The following SMG6 variants were observed in gnomAD, a reference collection of about 807,000 sequenced individuals.
SMG6 encodes telomerase-binding protein EST1A.
In SMG6, 66 loss-of-function variants were observed where a neutral mutation model predicts 142.2. The observed-to-expected ratio is 0.46, with a 90% CI of 0.38 to 0.57. The LOEUF is 0.57. Among genes scored for constraint, SMG6 ranks in the 20% least tolerant of loss-of-function variants. The pLI is 0.00. For missense variants in SMG6, 1,793 were observed against 1,832.0 expected, an observed-to-expected ratio of 0.98 and a Z score of 0.39; for synonymous variants, 779 against 702.4, an observed-to-expected ratio of 1.11 and a Z score of -1.72.
chr17:2,227,701 T>C (rs147962324), intron 10 of SMG6, among the ~76,000 whole-genome samples: 55 of 152,348 alleles, frequency 3.6e-4, no homozygotes, highest in Non-Finnish European at 6.0e-4. Context: ...CTGAAGTGCA[T>C]GCTTAAAATG....
At chr17:2,082,121 G>T (rs1318985695) in intron 14 of SMG6, 165 bp from the exon 15 acceptor site, 3 of 645,002 alleles carry the variant, frequency 4.7e-6, no homozygotes, top group African/African-American at 3.7e-5. Context: ...GCAAAGGGAG[G>T]TTGACAAAAG....
chr17:2,271,840 G>C (rs2074548429), intron 8 of SMG6, among the ~76,000 whole-genome samples: 2 of 152,122 alleles, frequency 1.3e-5, no homozygotes, highest in South Asian at 4.1e-4. Context: ...AGAGACACTA[G>C]CATGTTTGAG....
At chr17:2,230,640 T>C (rs2073462532) in intron 10 of SMG6, among the ~76,000 whole-genome samples, 1 of 152,130 alleles carries the variant, frequency 6.6e-6, no homozygotes, top group Admixed American at 6.5e-5. Context: ...TCCCTTGACA[T>C]ACTCACTTCT....
intron 12 of SMG6, among the ~76,000 whole-genome samples, chr17:2,177,224 T>G (rs900186073): frequency 3.9e-5 from 6 of 152,186 alleles, no homozygotes; most frequent in African/African-American, 1.4e-4. Flanking sequence ...CAGGAGAGGT[T>G]ACCCAACTGC....
intron 9 of SMG6, chr17:2,236,897 T>C (rs1454357972): frequency 2.7e-6 from 3 of 1,129,490 alleles, no homozygotes; most frequent in Non-Finnish European, 3.3e-6. Context: ...CTATGAGTTA[T>C]TATGCTTTGG....
intron 6 of SMG6, among the ~76,000 whole-genome samples, chr17:2,286,784 A>C (rs554626231): frequency 1.3e-5 from 2 of 152,202 alleles, no homozygotes; most frequent in African/African-American, 4.8e-5. Context: ...ACACTTGTGC[A>C]TCGAAAGATA....
chr17:2,152,446 G>A (rs2070855552), intron 13 of SMG6, among the ~76,000 whole-genome samples: 1 of 152,148 alleles, frequency 6.6e-6, no homozygotes, highest in Non-Finnish European at 1.5e-5. Context: ...TATCTGCAAT[G>A]CATTTGTACC....
chr17:2,269,548 C>T (rs561608366), intron 8 of SMG6, among the ~76,000 whole-genome samples: 103 of 151,936 alleles, frequency 6.8e-4, no homozygotes, highest in Non-Finnish European at 1.3e-3. Flanking sequence ...CTGGGTTTTC[C>T]ACAGGGAAGC....
chr17:2,194,681 C>T (rs1205551563), intron 10 of SMG6, among the ~76,000 whole-genome samples: 1 of 147,298 alleles, frequency 6.8e-6, no homozygotes, highest in African/African-American at 2.5e-5. Context: ...AAGACCCTGT[C>T]TCTACCAAAA....
intron 8 of SMG6, chr17:2,280,599 A>C: frequency 1.0e-6 from 1 of 985,260 alleles, no homozygotes; most frequent in Non-Finnish European, 1.2e-6. Context: ...GGTAGCCTAA[A>C]ATGAAAAGCT....
intron 9 of SMG6, chr17:2,240,323 T>C (rs1380504696): frequency 1.3e-5 from 2 of 152,188 alleles, no homozygotes; most frequent in African/African-American, 4.8e-5. Flanking sequence ...AGCCCTCAGA[T>C]GCTGAGGAAC....
intron 1 of SMG6, 146 bp downstream of exon 1, chr17:2,303,487 C>G (rs2075335059): frequency 7.5e-7 from 1 of 1,328,720 alleles, no homozygotes; most frequent in African/African-American, 1.5e-5. Context: ...GGTAGGGCAG[C>G]GAGGGTCCGC....
chr17:2,238,592 C>G (rs1048991717), intron 9 of SMG6, among the ~76,000 whole-genome samples: 4 of 152,200 alleles, frequency 2.6e-5, no homozygotes, highest in Non-Finnish European at 5.9e-5. Context: ...AGCAGCCACG[C>G]TGGGCAAGTT....
intron 9 of SMG6, among the ~76,000 whole-genome samples, chr17:2,243,252 A>T (rs1290122653): frequency 6.6e-6 from 1 of 152,222 alleles, no homozygotes. Context: ...ATACCAAATG[A>T]ATATGTAATA....
intron 16 of SMG6, among the ~76,000 whole-genome samples, chr17:2,067,418 G>C (rs1400687231): frequency 6.6e-6 from 1 of 152,128 alleles, no homozygotes; most frequent in African/African-American, 2.4e-5. Flanking sequence ...GCCTCTTTCA[G>C]TTGTACCCTT....
Position 2,085,149 on chromosome 17 carries a change from CACACACACACACAG to C in SMG6, c.3534+562_3534+575del, listed in dbSNP as rs2062773770. On this transcript the variant is annotated intron_variant, in intron 14 of 18. Transcript: ENST00000263073. This position sits in a 1 kb window ranked among gnomAD's most constrained non-coding sequence, Gnocchi z 4.1. ...GTGCGCACACACACACACAGACGCG[CACACACACACACAG>C]ACACACACACACGAGTCTGGAGTGA... 6.6e-5 allele frequency among the ~76,000 whole-genome samples: 10 copies of C among 151,760 alleles called. No individual in the cohort carries two copies. In the South Asian group the frequency reaches 1.9e-3, roughly 28 times the overall value.
intron 16 of SMG6, among the ~76,000 whole-genome samples, chr17:2,067,494 A>G (rs1380111593): frequency 6.6e-6 from 1 of 152,196 alleles, no homozygotes; most frequent in Non-Finnish European, 1.5e-5. Flanking sequence ...GCAGAGAGAC[A>G]TATGACCCGG....
rs142301472 is a variant in SMG6, at chr17:2,147,952, G to A, written c.3357+24706C>T. 6.1e-4 allele frequency among the ~76,000 whole-genome samples: 93 copies of A among 152,240 alleles called. 1 individual carries two copies. Among genetic ancestry groups the A allele is most frequent in the African/African-American group, 2.1e-3 (86 of 41,526 alleles). On this transcript the variant is annotated intron_variant, in intron 13 of 18. Transcript: ENST00000263073. ...TCACGCCTTAAATCCCAGTGCTTTG[G>A]GCCGAGGTGGGTGGATCGCTTGAGC... is the stretch of plus-strand genomic sequence containing the variant.
intron 13 of SMG6, among the ~76,000 whole-genome samples, chr17:2,126,967 C>T (rs1055601663): frequency 2.6e-5 from 4 of 151,914 alleles, no homozygotes; most frequent in South Asian, 2.1e-4. Context: ...CACATATACG[C>T]GTGAACACAC....
Sources: allele counts gnomAD v4.1 joint callset (sites outside exome capture counted in the v4.1 genomes callset), GRCh38; gene constraint gnomAD v4.1.1; non-coding constraint Gnocchi (gnomAD v3.1); transcripts MANE v1.5; gene names NCBI Gene and HGNC (gene_info 2026-07-23, HGNC 2026-07-21).